Variants in CCNH observed in about 807,000 individuals in gnomAD.
CCNH encodes cyclin H.
Under a neutral mutation model 41.9 loss-of-function variants are expected in CCNH, and 31 were observed. The observed-to-expected ratio is 0.74, with a 90% CI of 0.56 to 1.00. The LOEUF is 1.00. CCNH is among the 50% of genes least tolerant of loss of function. The pLI is 0.00. For synonymous variants in CCNH, 138 were observed against 136.1 expected (o/e 1.01, Z -0.10); for missense variants, 362 against 388.4 (o/e 0.93, Z 0.57).
intron 2 of CCNH, among the ~76,000 whole-genome samples, chr5:87,410,612 TAAC>T (rs1469015642): frequency 6.6e-6 from 1 of 152,186 alleles, no homozygotes; most frequent in African/African-American, 2.4e-5. Flanking sequence ...GAGAATAACG[TAAC>T]AACATTTTGA....
In CCNH at chr5:87,410,855, T is replaced by C. The variant is rs151163353; in HGVS notation, c.240+369A>G. Among the ~76,000 whole-genome samples, 401 of 152,310 alleles carry C rather than the reference T, an allele frequency of 2.6e-3. 4 individuals are homozygous for C. The highest frequency in any genetic ancestry group is 9.3e-3 in the African/African-American group (387 of 41,570). On this transcript the variant is annotated intron_variant, in intron 2 of 8. Coordinates refer to ENST00000256897, the MANE Select transcript of CCNH (RefSeq NM_001239.4). ...GGGGCATATGATTACCAATGATGAATGAATGCATTATTTCAAACATTTATT... is the reference window on the plus strand; with the variant it reads ...GGGGCATATGATTACCAATGATGAACGAATGCATTATTTCAAACATTTATT...
rs185885225 is a variant in CCNH, at chr5:87,336,718, T to C, written c.*91-17821A>G. On this transcript the variant is annotated intron_variant and NMD_transcript_variant, in intron 9 of 9. Transcript: ENST00000645953. ...CTAAGAAATGAAATTTACCAGTTCA[T>C]GTGCACCCTCCTTTTACTCATAATG... 2.5e-3 allele frequency among the ~76,000 whole-genome samples: 385 copies of C among 152,242 alleles called. 1 individual carries two copies. Among genetic ancestry groups the C allele is most frequent in the African/African-American group, 8.7e-3 (363 of 41,586 alleles).
intron 4 of CCNH, 37 bp downstream of exon 4, chr5:87,407,936 AAGG>A (rs1386491822): frequency 7.1e-7 from 1 of 1,404,812 alleles, no homozygotes; most frequent in South Asian, 1.2e-5. Context: ...AAGAATAGGA[AAGG>A]AGAATGTAGT....
downstream of CCNH, among the ~76,000 whole-genome samples, chr5:87,316,729 A>G (rs993812461): frequency 6.6e-6 from 1 of 152,178 alleles, no homozygotes; most frequent in Admixed American, 6.5e-5. Flanking sequence ...AAAGCCTCTC[A>G]CAATTATAGA....
At chr5:87,373,107 T>G (rs1761067292), downstream of CCNH, among the ~76,000 whole-genome samples, 1 of 152,138 alleles carries the variant, frequency 6.6e-6, no homozygotes, top group African/African-American at 2.4e-5. Flanking sequence ...AAAATGACAT[T>G]TGCAGGTTTA....
At chr5:87,365,693 T>A (rs1238199770) in intron 9 of CCNH, among the ~76,000 whole-genome samples, 1 of 152,028 alleles carries the variant, frequency 6.6e-6, no homozygotes, top group East Asian at 1.9e-4. Context: ...ATTAGACTCA[T>A]AAGATAAAAA....
chr5:87,319,816 C>T (rs75813061), intron 9 of CCNH, among the ~76,000 whole-genome samples: 1,811 of 152,288 alleles, frequency 0.012, 27 homozygotes, highest in African/African-American at 0.041. Flanking sequence ...TTGAATTTCT[C>T]CCCCCAAAAT....
intron 9 of CCNH, among the ~76,000 whole-genome samples, chr5:87,358,957 T>G (rs888078353): frequency 6.6e-6 from 1 of 150,840 alleles, no homozygotes; most frequent in African/African-American, 2.4e-5. Context: ...AATGACACTT[T>G]ACCTAGACAC....
intron 7 of CCNH, among the ~76,000 whole-genome samples, chr5:87,398,297 C>T (rs1344627994): frequency 6.6e-6 from 1 of 152,174 alleles, no homozygotes; most frequent in African/African-American, 2.4e-5. Context: ...GTGTATTTGA[C>T]ATAAAGGCCT....
intron 9 of CCNH, among the ~76,000 whole-genome samples, chr5:87,342,410 C>T (rs1391607140): frequency 1.3e-5 from 2 of 152,108 alleles, no homozygotes; most frequent in African/African-American, 2.4e-5. Flanking sequence ...CTACCAGCCT[C>T]GGCCTCCCAA....
downstream of CCNH, among the ~76,000 whole-genome samples, chr5:87,317,392 A>G (rs1289631103): frequency 3.9e-5 from 6 of 152,176 alleles, no homozygotes; most frequent in African/African-American, 1.4e-4. Flanking sequence ...CATATTTTCA[A>G]GTTCACTCAT....
At chr5:87,345,383 A>G (rs1019269445) in intron 9 of CCNH, among the ~76,000 whole-genome samples, 4 of 152,148 alleles carry the variant, frequency 2.6e-5, no homozygotes, top group Admixed American at 2.6e-4. Flanking sequence ...AAACTGTAGA[A>G]GTAGAGGATT....
intron 1 of CCNH, 32 bp downstream of exon 1, chr5:87,412,646 G>T: frequency 6.2e-7 from 1 of 1,610,670 alleles, no homozygotes; most frequent in African/African-American, 1.3e-5. Context: ...TTTAGTGACC[G>T]GGCAACTGGG....
In CCNH at chr5:87,331,465, A is replaced by G. The variant is rs1241440895; in HGVS notation, c.*91-12568T>C. On this transcript the variant is annotated intron_variant and NMD_transcript_variant, in intron 9 of 9. Transcript: ENST00000645953. Reference sequence around the variant, plus strand: ...GGAGGCCAGGGTCCTTTGTACTTTCATTTCTTAGCCAGATGAATGTTGTCA... The same window carrying G: ...GGAGGCCAGGGTCCTTTGTACTTTCGTTTCTTAGCCAGATGAATGTTGTCA... 6.2e-7 allele frequency: 1 copy of G among 1,613,752 alleles called. No homozygotes were observed. The highest frequency in any genetic ancestry group is 8.5e-7 in the Non-Finnish European group (1 of 1,179,858).
intron 9 of CCNH, chr5:87,330,945 G>A: frequency 7.0e-7 from 1 of 1,429,774 alleles, no homozygotes; most frequent in Non-Finnish European, 9.1e-7. Context: ...TAGGTTCCAT[G>A]TGCCTTGTGA....
At chr5:87,311,666 C>A in the CCNH span, among the ~76,000 whole-genome samples, 1 of 152,172 alleles carries the variant, frequency 6.6e-6, no homozygotes, top group Admixed American at 6.5e-5. Context: ...CAAGTATTGC[C>A]AACCAGGAGA....
downstream of CCNH, among the ~76,000 whole-genome samples, chr5:87,371,847 CTAAT>C (rs1256955340): frequency 6.6e-6 from 1 of 151,910 alleles, no homozygotes; most frequent in South Asian, 2.1e-4. Context: ...GATTTTTTGG[CTAAT>C]TAATGGCCAC....
downstream of CCNH, chr5:87,390,980 A>G (rs115086172): frequency 0.013 from 15,784 of 1,202,542 alleles, 138 homozygotes; most frequent in South Asian, 0.028. Flanking sequence ...AAAATAGCAC[A>G]CTTTTCCACA....
chr5:87,409,295 T>C lies in CCNH; in HGVS notation c.309A>G (p.Ile103Met), dbSNP rs200476507. The change falls in exon 3 of 9, where the codon ATA becomes ATG. Residue 103 changes from isoleucine to methionine, a missense_variant. Physicochemically the swap from Ile to Met is conservative, Grantham distance 10. Transcript: ENST00000256897. ...TATTAGACAGACATACTCACATTAT[T>C]ATCCTGGGGTGATATTCCATTACTG... ...NNSVMEYHPR[I>M]IMLTCAFLAC... 6 of 1,530,104 alleles carry C rather than the reference T, an allele frequency of 3.9e-6. No individual in the cohort carries two copies. Among genetic ancestry groups the C allele is most frequent in the East Asian group, 2.3e-5 (1 of 44,330 alleles). The allele number at this position is 1,530,104 out of a possible 1,614,324, so 94.8% of individuals were successfully genotyped here.
Sources: allele counts gnomAD v4.1 joint callset (sites outside exome capture counted in the v4.1 genomes callset), GRCh38; gene constraint gnomAD v4.1.1; transcripts MANE v1.5; gene names NCBI Gene and HGNC (gene_info 2026-07-23, HGNC 2026-07-21).